Variants in ACSM4 observed in about 807,000 individuals in gnomAD.
The protein encoded by ACSM4 is acyl-CoA synthetase medium chain family member 4, also known as acyl-coenzyme A synthetase ACSM4, mitochondrial.
ACSM4 carries 66 observed loss-of-function variants against 73.0 expected under a neutral mutation model. The observed-to-expected ratio is 0.90, with a 90% CI of 0.74 to 1.11. The LOEUF (loss-of-function observed/expected upper bound fraction) is 1.11. Among genes scored for constraint, ACSM4 ranks in the 50% least tolerant of loss-of-function variants. ACSM4 has a pLI of 0.00. For synonymous variants in ACSM4, 222 were observed against 254.0 expected (o/e 0.87, Z 1.20); for missense variants, 645 against 714.4 (o/e 0.90, Z 1.11).
At chr12:7,323,710 G>C (rs1946482116) in intron 9 of ACSM4, 150 bp downstream of exon 9, 3 of 708,774 alleles carry the variant, frequency 4.2e-6, no homozygotes, top group Non-Finnish European at 7.0e-6. Flanking sequence ...CAAGAGTACT[G>C]TAAAGATGAA....
chr12:7,326,659 C>A (rs184996927), intron 11 of ACSM4, among the ~76,000 whole-genome samples: 1 of 152,284 alleles, frequency 6.6e-6, no homozygotes, highest in African/African-American at 2.4e-5. Flanking sequence ...AAGTGGTCAT[C>A]CATAAACCAA....
intron 5 of ACSM4, among the ~76,000 whole-genome samples, chr12:7,320,164 G>T (rs1217896593): frequency 2.0e-5 from 3 of 152,126 alleles, no homozygotes; most frequent in African/African-American, 7.2e-5. Context: ...TATTTCTCTA[G>T]ATTTAAGATG....
chr12:7,320,943 G>A (rs1349970403), intron 6 of ACSM4, 139 bp downstream of exon 6: 16 of 782,578 alleles, frequency 2.0e-5, no homozygotes, highest in African/African-American at 6.8e-5. Context: ...TAATTCTATC[G>A]TCGGAGGACG....
In ACSM4 at chr12:7,320,750, C is replaced by G. The variant is rs750791481; in HGVS notation, c.947C>G (p.Thr316Ser). The G allele has an allele frequency of 6.2e-7, 1 of 1,613,734 alleles. No individual in the cohort carries two copies. The highest frequency in any genetic ancestry group is 8.5e-7 in the Non-Finnish European group (1 of 1,179,770). The stretch of plus-strand genomic sequence containing the variant: ...ACACTTACTACTTATCCCATCACGA[C>G]CCTGTGCAGTCCTCCCACTGTGTAC... ...LDTLTTYPIT[T>S]LCSPPTVYRM... The change falls in exon 6 of 13, where the codon ACC (threonine) becomes AGC (serine). Residue 316 changes from threonine to serine, a missense_variant. Coordinates refer to ENST00000399422, the MANE Select transcript of ACSM4 (RefSeq NM_001080454.2).
At chr12:7,308,496 G>A (rs992701482) in intron 2 of ACSM4, among the ~76,000 whole-genome samples, 1 of 152,132 alleles carries the variant, frequency 6.6e-6, no homozygotes, top group African/African-American at 2.4e-5. Context: ...GCTGTAAAGT[G>A]TATGCAGTAA....
At chr12:7,317,614 T>C (rs1192361294) in intron 4 of ACSM4, among the ~76,000 whole-genome samples, 1 of 152,232 alleles carries the variant, frequency 6.6e-6, no homozygotes, top group Non-Finnish European at 1.5e-5. Flanking sequence ...ATTTTCCTCA[T>C]GGCATTTATA....
chr12:7,325,164 A>G (rs919189160), intron 11 of ACSM4, among the ~76,000 whole-genome samples: 1 of 152,262 alleles, frequency 6.6e-6, no homozygotes, highest in Non-Finnish European at 1.5e-5. Context: ...TCAGACTTGG[A>G]TCATACGTCT....
intron 2 of ACSM4, among the ~76,000 whole-genome samples, chr12:7,309,007 C>G (rs191667158): frequency 2.0e-5 from 3 of 152,292 alleles, no homozygotes; most frequent in African/African-American, 7.2e-5. Context: ...ATACCAGGCA[C>G]GTAATAAGTG....
At position 7,304,396 on chromosome 12, in the gene ACSM4, G is replaced by A. The variant is rs202202065; in HGVS notation, c.65G>A (p.Arg22His). The A allele has an allele frequency of 5.6e-5, 91 of 1,613,842 alleles. No individual in the cohort carries two copies. Among genetic ancestry groups the A allele is most frequent in the East Asian group, 8.9e-5 (4 of 44,882 alleles). ...TGGCTCACCAAGCCACCTGGCCGGC[G>A]CTTACACAAAGATCACCAGCTTTGG... ...FIWLTKPPGR[R>H]LHKDHQLWTP... Residue 22 changes from arginine (R) to histidine (H), a missense_variant, in exon 1 of 13, where the codon CGC (arginine) becomes CAC (histidine). Arg to His is a conservative substitution (Grantham distance 29). Coordinates refer to ENST00000399422, the MANE Select transcript of ACSM4 (RefSeq NM_001080454.2).
chr12:7,311,413 G>A (rs1379707382), intron 3 of ACSM4, among the ~76,000 whole-genome samples: 1 of 151,944 alleles, frequency 6.6e-6, no homozygotes, highest in Non-Finnish European at 1.5e-5. Flanking sequence ...TCTGCCTGGA[G>A]TGCTCTTCTT....
chr12:7,317,854 A>C (rs1052607295), intron 4 of ACSM4, among the ~76,000 whole-genome samples, 172 bp from the exon 5 acceptor site: 1 of 152,160 alleles, frequency 6.6e-6, no homozygotes, highest in African/African-American at 2.4e-5. Flanking sequence ...TGGGATTCTG[A>C]AAATGCCCTT....
chr12:7,313,386 T>C (rs1267590251), intron 3 of ACSM4, among the ~76,000 whole-genome samples: 1 of 152,176 alleles, frequency 6.6e-6, no homozygotes, highest in Non-Finnish European at 1.5e-5. Flanking sequence ...CTCTAAAAAC[T>C]AGGGAAGGGA....
chr12:7,328,336 G>A lies in ACSM4; in HGVS notation c.1706G>A (p.Arg569His), dbSNP rs755058216. 1.9e-5 allele frequency: 31 copies of A among 1,594,770 alleles called. No homozygotes were observed. The highest frequency in any genetic ancestry group is 8.0e-5 in the South Asian group (7 of 87,334). ...AAGACAATCACTGGGAAAATCAAACGCAACGTTTTAAGAGACCAAGAATGG... is the reference window on the plus strand; with the variant it reads ...AAGACAATCACTGGGAAAATCAAACACAACGTTTTAAGAGACCAAGAATGG... ...LPKTITGKIK[R>H]NVLRDQEWRG... The change falls in exon 13 of 13, where the codon CGC becomes CAC. Residue 569 changes from arginine to histidine, a missense_variant. Transcript: ENST00000399422.
rs1344137192 is a variant in ACSM4 at position 7,306,561 on chromosome 12, T to C, written c.230T>C (p.Leu77Pro). 4 of 1,599,676 alleles carry C rather than the reference T, an allele frequency of 2.5e-6. No individual in the cohort carries two copies. The highest frequency in any genetic ancestry group is 1.1e-5 in the South Asian group (1 of 88,342). ...KTGERPANPA[L>P]WWVNGKGDEV... ...GGGGAGAGACCAGCTAACCCAGCCC[T>C]GTGGTGGGTGAATGGCAAAGGGGAT... Residue 77 changes from leucine to proline, a missense_variant, in exon 2 of 13, where the codon CTG (leucine) becomes CCG (proline). Leu to Pro is a moderately conservative substitution (Grantham distance 98). Transcript: ENST00000399422.
In ACSM4 at chr12:7,310,655, TC is replaced by T. The variant is rs531368526; in HGVS notation, c.531del (p.Ile178LeufsTer47). 82 of 1,612,934 alleles carry T rather than the reference TC, an allele frequency of 5.1e-5. No homozygotes were observed. The highest frequency in any genetic ancestry group is 3.3e-4 in the Middle Eastern group (2 of 6,074). On this transcript the variant is annotated frameshift_variant, in exon 3 of 13. Coordinates refer to ENST00000399422, the MANE Select transcript of ACSM4 (RefSeq NM_001080454.2). LOFTEE classifies it high-confidence loss of function. ...ASEEVAPAVE[S>X]IVLECPDLKT... ...TGAGGAGGTGGCCCCAGCGGTGGAG[TC>T]CATTGTATTGGAGTGTCCTGACCTT... is the stretch of plus-strand genomic sequence containing the variant.
In ACSM4 at chr12:7,323,568, G is replaced by A. The variant is rs754819483; in HGVS notation, c.1308+8G>A. ...TTCTTCTCTAAATATGTGGTATGAG[G>A]ATAGAAAGTGCTGGTCATGCTTAAT... is the stretch of plus-strand genomic sequence containing the variant. On this transcript the variant is annotated splice_region_variant and intron_variant, in intron 9 of 12. Coordinates refer to ENST00000399422, the MANE Select transcript of ACSM4 (RefSeq NM_001080454.2). 3.1e-6 allele frequency: 5 copies of A among 1,606,466 alleles called. No homozygotes were observed. The highest frequency in any genetic ancestry group is 4.3e-6 in the Non-Finnish European group (5 of 1,173,316).
chr12:7,327,088 C>A lies in ACSM4; in HGVS notation c.1649C>A (p.Pro550Gln). The A allele has an allele frequency of 6.2e-7, 1 of 1,601,878 alleles. No homozygotes were observed. The highest frequency in any genetic ancestry group is 8.5e-7 in the Non-Finnish European group (1 of 1,174,292). The change falls in exon 12 of 13, where the codon CCA becomes CAA. Residue 550 changes from proline (P) to glutamine (Q), a missense_variant. Coordinates refer to ENST00000399422, the MANE Select transcript of ACSM4 (RefSeq NM_001080454.2). The part of the protein sequence containing the change: ...VKKSTAPYKY[P>Q]RKVEFVQELP... ...AAATCAACTGCACCTTACAAATATC[C>A]AAGAAAGGCAAGTGCTTTGCCCAAA... is the stretch of plus-strand genomic sequence containing the variant.
At chr12:7,304,600 T>G in intron 1 of ACSM4, 68 bp downstream of exon 1, 2 of 1,511,362 alleles carry the variant, frequency 1.3e-6, no homozygotes, top group South Asian at 1.1e-5. Flanking sequence ...ATTTCCTTGT[T>G]CTGTGGTCTA....
At chr12:7,316,926 A>G (rs1017003410) in intron 3 of ACSM4, among the ~76,000 whole-genome samples, 2 of 152,246 alleles carry the variant, frequency 1.3e-5, no homozygotes, top group African/African-American at 4.8e-5. Flanking sequence ...AAGCTTAAAA[A>G]AAGAAGAACT....
Sources: gnomAD v4.1 joint callset for allele counts (sites outside exome capture counted in the v4.1 genomes callset) on GRCh38, gnomAD v4.1.1 for gene constraint, MANE v1.5 for transcripts, NCBI Gene and HGNC (gene_info 2026-07-23, HGNC 2026-07-21) for gene names.